Variants in ACSL3 observed in about 807,000 individuals in gnomAD.
ACSL3 encodes fatty acid CoA ligase Acsl3.
Under a neutral mutation model 84.7 loss-of-function variants are expected in ACSL3, and 34 were observed. The ratio of observed to expected loss-of-function variants is 0.40; its 90% CI spans 0.31 to 0.53. The LOEUF is 0.53. Among genes scored for constraint, ACSL3 ranks in the 20% least tolerant of loss-of-function variants. The pLI is 0.48. For missense variants in ACSL3, 680 were observed against 873.1 expected (o/e 0.78, Z 2.79); for synonymous variants, 315 against 299.4 (o/e 1.05, Z -0.54).
intron 16 of ACSL3, among the ~76,000 whole-genome samples, chr2:222,940,914 T>A (rs1049134881): frequency 5.3e-5 from 8 of 151,628 alleles, no homozygotes; most frequent in Non-Finnish European, 1.0e-4. Context: ...TTTTTTTTTT[T>A]AAATGAGATG....
At chr2:222,865,618 A>G (rs1559272610) in intron 1 of ACSL3, among the ~76,000 whole-genome samples, 1 of 152,242 alleles carries the variant, frequency 6.6e-6, no homozygotes, top group Non-Finnish European at 1.5e-5. Context: ...TCAGTGCAGC[A>G]GTGGAATCTG....
intron 15 of ACSL3, 138 bp from the exon 16 acceptor site, chr2:222,934,392 T>C (rs911372458): frequency 3.4e-6 from 2 of 588,502 alleles, no homozygotes; most frequent in African/African-American, 1.9e-5. Flanking sequence ...TTGCATGAAA[T>C]GGATATGCCA....
chr2:222,865,612 T>C (rs1480512099), intron 1 of ACSL3, among the ~76,000 whole-genome samples: 1 of 152,162 alleles, frequency 6.6e-6, no homozygotes, highest in African/African-American at 2.4e-5. Context: ...GTATAATCAG[T>C]GCAGCAGTGG....
intron 8 of ACSL3, among the ~76,000 whole-genome samples, chr2:222,922,161 A>G (rs1696758389): frequency 6.6e-6 from 1 of 152,202 alleles, no homozygotes; most frequent in Admixed American, 6.5e-5. Flanking sequence ...CTCTTGAAGT[A>G]TATACAAATA....
At chr2:222,898,530 G>A (rs972091645) in intron 2 of ACSL3, among the ~76,000 whole-genome samples, 2 of 152,162 alleles carry the variant, frequency 1.3e-5, no homozygotes, top group Non-Finnish European at 2.9e-5. Context: ...TGACCTCTAA[G>A]GTAATTCTGA....
Position 222,930,829 on chromosome 2 carries a change from T to A in ACSL3, c.1732+17T>A, listed in dbSNP as rs753415456. 6.3e-7 allele frequency: 1 copy of A among 1,575,240 alleles called. No homozygotes were observed. Among genetic ancestry groups the A allele is most frequent in the Non-Finnish European group, 8.6e-7 (1 of 1,161,592 alleles). On this transcript the variant is annotated intron_variant, in intron 14 of 16. Coordinates refer to ENST00000357430, the MANE Select transcript of ACSL3 (RefSeq NM_004457.5). ...AGATTATTGGTAAGTCATCTAATAT[T>A]TTTTTGAAAATGAATGTTTCTGAAA...
intron 12 of ACSL3, among the ~76,000 whole-genome samples, 190 bp from the exon 13 acceptor site, chr2:222,928,672 C>T (rs531893547): frequency 6.6e-6 from 1 of 150,810 alleles, no homozygotes; most frequent in African/African-American, 2.4e-5. Context: ...AAAAAAACCT[C>T]AATGTAGGCC....
At chr2:222,869,028 G>A (rs1304301822) in intron 1 of ACSL3, among the ~76,000 whole-genome samples, 1 of 151,708 alleles carries the variant, frequency 6.6e-6, no homozygotes, top group Non-Finnish European at 1.5e-5. Flanking sequence ...TACGTATAAA[G>A]CACTTTGAAA....
chr2:222,911,822 T>A (rs1481958016), intron 4 of ACSL3, among the ~76,000 whole-genome samples: 1 of 152,262 alleles, frequency 6.6e-6, no homozygotes, highest in Non-Finnish European at 1.5e-5. Context: ...CCTGCTTATC[T>A]TAACCATAGT....
At chr2:222,911,830 AG>A (rs1696447769) in intron 4 of ACSL3, among the ~76,000 whole-genome samples, 1 of 152,224 alleles carries the variant, frequency 6.6e-6, no homozygotes, top group Non-Finnish European at 1.5e-5. Context: ...TCTTAACCAT[AG>A]TGCCTTTGTA....
intron 1 of ACSL3, among the ~76,000 whole-genome samples, chr2:222,871,549 C>T (rs187302029): frequency 1.3e-3 from 200 of 152,270 alleles, no homozygotes; most frequent in Middle Eastern, 3.4e-3. Flanking sequence ...TGGCATTGGT[C>T]CTGGCTGTAT....
chr2:222,892,877 C>G (rs1004312696), intron 2 of ACSL3, among the ~76,000 whole-genome samples: 1 of 152,152 alleles, frequency 6.6e-6, no homozygotes, highest in Admixed American at 6.5e-5. Context: ...GCTTGTTTGC[C>G]TGCACTCAGA....
At chr2:222,877,694 T>C (rs939206060) in intron 1 of ACSL3, among the ~76,000 whole-genome samples, 2 of 152,184 alleles carry the variant, frequency 1.3e-5, no homozygotes, top group Non-Finnish European at 2.9e-5. Context: ...TATTATATAC[T>C]ACATCATGTG....
At chr2:222,882,443 A>T (rs1474583062) in intron 1 of ACSL3, among the ~76,000 whole-genome samples, 1 of 152,160 alleles carries the variant, frequency 6.6e-6, no homozygotes, top group Non-Finnish European at 1.5e-5. Context: ...TTCGTGGAAG[A>T]CAGTTTTTCC....
At chr2:222,879,186 C>T (rs192072677) in intron 1 of ACSL3, among the ~76,000 whole-genome samples, 56 of 152,222 alleles carry the variant, frequency 3.7e-4, no homozygotes, top group African/African-American at 1.2e-3. Flanking sequence ...GGCATGGTGG[C>T]GGGCGCTTGT....
chr2:222,944,465 C>T lies in ACSL3; in HGVS notation c.*2811C>T, dbSNP rs1447152858. 4 of 151,992 alleles carry T rather than the reference C, an allele frequency of 2.6e-5. No homozygotes were observed. Among genetic ancestry groups the T allele is most frequent in the African/African-American group, 7.2e-5 (3 of 41,394 alleles). 9.4% of individuals were successfully genotyped at this position (151,992 alleles called of 1,614,324 possible). On this transcript the variant is annotated 3_prime_UTR_variant, in exon 17 of 17. Transcript: ENST00000357430. ...CACTGAAATGTCATATATCCTTTCTCTACTTAAAATTGGTTATTTACTGTG... is the reference window on the plus strand; with the variant it reads ...CACTGAAATGTCATATATCCTTTCTTTACTTAAAATTGGTTATTTACTGTG...
intron 6 of ACSL3, 36 bp from the exon 7 acceptor site, chr2:222,919,028 A>G (rs749780783): frequency 1.7e-5 from 27 of 1,606,976 alleles, no homozygotes; most frequent in Non-Finnish European, 2.3e-5. Flanking sequence ...GCTGCTTGAA[A>G]AATAATGAAC....
At chr2:222,939,860 C>A (rs1439330950) in intron 16 of ACSL3, among the ~76,000 whole-genome samples, 2 of 152,192 alleles carry the variant, frequency 1.3e-5, no homozygotes, top group Non-Finnish European at 2.9e-5. Flanking sequence ...ATCTTGCTGA[C>A]ATCACTCCTT....
At chr2:222,892,527 T>C (rs1439536077) in intron 2 of ACSL3, among the ~76,000 whole-genome samples, 1 of 152,200 alleles carries the variant, frequency 6.6e-6, no homozygotes, top group African/African-American at 2.4e-5. Context: ...TCTGCCCTTC[T>C]TGACCCTGGT....
Sources: gnomAD v4.1 joint callset for allele counts (sites outside exome capture counted in the v4.1 genomes callset) on GRCh38, gnomAD v4.1.1 for gene constraint, MANE v1.5 for transcripts, NCBI Gene and HGNC (gene_info 2026-07-23, HGNC 2026-07-21) for gene names.